The following CTNNA3 variants were observed in gnomAD, a reference collection of about 807,000 sequenced individuals.
The protein encoded by CTNNA3 is catenin alpha-3.
A neutral mutation model predicts 95.7 loss-of-function variants in CTNNA3; 76 were observed. The observed-to-expected ratio is 0.79, with a 90% CI of 0.66 to 0.96. The LOEUF is 0.96. CTNNA3 is among the 40% of genes least tolerant of loss of function. The pLI is 0.00. For synonymous variants in CTNNA3, 431 were observed against 374.4 expected (o/e 1.15, Z -1.74); for missense variants, 1,191 against 1,089.8 (o/e 1.09, Z -1.31).
chr10:67,540,163 T>A (rs531130726), intron 3 of CTNNA3, among the ~76,000 whole-genome samples: 233 of 152,254 alleles, frequency 1.5e-3, no homozygotes, highest in Admixed American at 3.1e-3. Context: ...ACAGAAATAG[T>A]ACTTCATAGT....
chr10:67,317,145 C>T (rs1003591598), intron 5 of CTNNA3, among the ~76,000 whole-genome samples: 3 of 151,306 alleles, frequency 2.0e-5, no homozygotes, highest in African/African-American at 4.8e-5. Flanking sequence ...ATAAGCAGCA[C>T]ATATCATCGG....
chr10:66,787,048 C>T (rs1055730604), intron 7 of CTNNA3, among the ~76,000 whole-genome samples: 2 of 152,164 alleles, frequency 1.3e-5, no homozygotes, highest in Non-Finnish European at 2.9e-5. Flanking sequence ...CCAAGTACAT[C>T]TTTCTAAGTT....
intron 13 of CTNNA3, among the ~76,000 whole-genome samples, chr10:66,132,720 A>G (rs1017780836): frequency 3.3e-5 from 5 of 152,262 alleles, no homozygotes; most frequent in African/African-American, 1.2e-4. Flanking sequence ...ATGCAGCCAT[A>G]TAAAAGAATG....
intron 6 of CTNNA3, among the ~76,000 whole-genome samples, chr10:67,195,275 AG>A (rs1863299152): frequency 6.6e-6 from 1 of 152,062 alleles, no homozygotes; most frequent in African/African-American, 2.4e-5. Flanking sequence ...CTTATCTTTA[AG>A]AAAATTAGAA....
intron 9 of CTNNA3, among the ~76,000 whole-genome samples, chr10:66,716,218 T>C (rs10997350): frequency 0.032 from 4,945 of 152,204 alleles, 214 homozygotes; most frequent in East Asian, 0.22. Flanking sequence ...CTAATTTGTC[T>C]GGACTTTCAA....
chr10:67,254,405 G>T (rs1241054026), intron 5 of CTNNA3, among the ~76,000 whole-genome samples: 1 of 152,190 alleles, frequency 6.6e-6, no homozygotes, highest in Non-Finnish European at 1.5e-5. Context: ...TCCCTGTGAA[G>T]TGGGAATCAT....
chr10:66,277,951 A>T (rs2091427865), intron 13 of CTNNA3, among the ~76,000 whole-genome samples: 1 of 151,880 alleles, frequency 6.6e-6, no homozygotes, highest in South Asian at 2.1e-4. Context: ...TCTCTCTAGC[A>T]GTGATTACAG....
intron 9 of CTNNA3, among the ~76,000 whole-genome samples, chr10:66,695,249 C>T (rs1847713403): frequency 6.6e-6 from 1 of 152,150 alleles, no homozygotes; most frequent in African/African-American, 2.4e-5. Flanking sequence ...ATGTTTGCCT[C>T]CTGACTCCCA....
At chr10:66,249,756 G>A (rs544092950) in intron 13 of CTNNA3, among the ~76,000 whole-genome samples, 114 of 152,072 alleles carry the variant, frequency 7.5e-4, no homozygotes, top group African/African-American at 2.5e-3. Flanking sequence ...AAAATAAGGC[G>A]GAGCTTGCAG....
chr10:66,206,103 T>C (rs147218702), intron 13 of CTNNA3, among the ~76,000 whole-genome samples: 20 of 152,054 alleles, frequency 1.3e-4, no homozygotes, highest in African/African-American at 4.3e-4. Context: ...AAGTGAGAAG[T>C]GAGAAATTTA....
At chr10:66,182,544 C>T (rs1038403427) in intron 13 of CTNNA3, among the ~76,000 whole-genome samples, 2 of 152,038 alleles carry the variant, frequency 1.3e-5, no homozygotes, top group Non-Finnish European at 2.9e-5. Flanking sequence ...CGTGAGCCAC[C>T]GCGCCCGGCC....
In CTNNA3 at chr10:65,919,547, A is replaced by G. The variant is rs989484286; in HGVS notation, c.*783T>C. The stretch of plus-strand genomic sequence containing the variant: ...TGTTGTCTCATTTTCCCAATGGGTG[A>G]TAACTCTTCTTTCACATATGTATTC... On this transcript the variant is annotated 3_prime_UTR_variant, in exon 18 of 18. Coordinates refer to ENST00000433211, the MANE Select transcript of CTNNA3 (RefSeq NM_013266.4). 6.6e-6 allele frequency: 1 copy of G among 152,178 alleles called. No homozygotes were observed. The highest frequency in any genetic ancestry group is 2.4e-5 in the African/African-American group (1 of 41,458). The allele number at this position is 152,178 out of a possible 1,614,324, so 9.4% of individuals were successfully genotyped here. A position where few individuals can be genotyped will look rare whatever the true frequency, so the allele number is the denominator to read the frequency against.
chr10:66,039,719 A>G (rs763830201), intron 15 of CTNNA3, among the ~76,000 whole-genome samples: 3 of 152,176 alleles, frequency 2.0e-5, no homozygotes, highest in Non-Finnish European at 2.9e-5. Flanking sequence ...CACCATACAC[A>G]AAAATTAACT....
At chr10:67,252,673 T>C (rs1469835530) in intron 5 of CTNNA3, among the ~76,000 whole-genome samples, 1 of 152,188 alleles carries the variant, frequency 6.6e-6, no homozygotes, top group Non-Finnish European at 1.5e-5. Flanking sequence ...GACATACCGT[T>C]AGGCTACTAT....
At chr10:66,201,791 T>C (rs1289869361) in intron 13 of CTNNA3, among the ~76,000 whole-genome samples, 3 of 142,222 alleles carry the variant, frequency 2.1e-5, no homozygotes, top group South Asian at 2.2e-4. Flanking sequence ...TTCTTTTTTT[T>C]TTTTTTTTTT....
chr10:67,345,968 T>A (rs1357368676), intron 5 of CTNNA3, among the ~76,000 whole-genome samples: 1 of 152,130 alleles, frequency 6.6e-6, no homozygotes, highest in African/African-American at 2.4e-5. Context: ...TTTAGTTTCT[T>A]GTTTTTTTTA....
At chr10:66,763,335 C>CAGAGAGAGAG (rs1247071541) in intron 9 of CTNNA3, among the ~76,000 whole-genome samples, 3,918 of 113,248 alleles carry the variant, frequency 0.035, 52 homozygotes, top group African/African-American at 0.05. Context: ...CACACACACA[C>CAGAGAGAGAG]ACACACAGAG....
At chr10:66,934,521 C>T (rs1847584486) in intron 7 of CTNNA3, among the ~76,000 whole-genome samples, 1 of 152,168 alleles carries the variant, frequency 6.6e-6, no homozygotes, top group Admixed American at 6.6e-5. Context: ...CTTCTCTTTC[C>T]TCTACAATCT....
intron 7 of CTNNA3, among the ~76,000 whole-genome samples, chr10:66,776,308 T>C (rs769684182): frequency 6.6e-6 from 1 of 152,134 alleles, no homozygotes; most frequent in Non-Finnish European, 1.5e-5. Context: ...TCTAGGAAAA[T>C]TGCTGCTGTT....
Sources: allele counts gnomAD v4.1 joint callset (sites outside exome capture counted in the v4.1 genomes callset), GRCh38; gene constraint gnomAD v4.1.1; transcripts MANE v1.5; gene names NCBI Gene and HGNC (gene_info 2026-07-23, HGNC 2026-07-21).